The following DNAH6 variants were observed in gnomAD, a reference collection of about 807,000 sequenced individuals.
The protein encoded by DNAH6 is dynein axonemal heavy chain 6, also known as axonemal beta dynein heavy chain 6.
Under a neutral mutation model 491.4 loss-of-function variants are expected in DNAH6, and 340 were observed. The observed-to-expected ratio is 0.69, with a 90% CI of 0.63 to 0.76. The LOEUF (loss-of-function observed/expected upper bound fraction) is 0.76, where lower values mean the gene tolerates loss of function less well. Among genes scored for constraint, DNAH6 ranks in the 30% least tolerant of loss-of-function variants. The pLI is 0.00. For synonymous variants in DNAH6, 1,603 were observed against 1,686.1 expected, an observed-to-expected ratio of 0.95 and a Z score of 1.21; for missense variants, 4,443 against 4,972.2, an observed-to-expected ratio of 0.89 and a Z score of 3.20.
intron 11 of DNAH6, among the ~76,000 whole-genome samples, chr2:84,558,198 C>A (rs146429064): frequency 6.6e-6 from 1 of 151,936 alleles, no homozygotes; most frequent in Non-Finnish European, 1.5e-5. Flanking sequence ...GAGACCGAGG[C>A]GGGCAGATCA....
At chr2:84,473,719 C>T in the DNAH6 span, among the ~76,000 whole-genome samples, 1 of 152,084 alleles carries the variant, frequency 6.6e-6, no homozygotes, top group African/African-American at 2.4e-5. Flanking sequence ...TGAATTTGAA[C>T]CTTTTGAGGC....
chr2:84,642,727 TATA>T (rs1428299966), intron 33 of DNAH6, among the ~76,000 whole-genome samples: 1 of 152,150 alleles, frequency 6.6e-6, no homozygotes, highest in African/African-American at 2.4e-5. Flanking sequence ...GTGAGTACCT[TATA>T]ATAACAATCG....
chr2:84,772,131 AT>A (rs1404188349), intron 64 of DNAH6, among the ~76,000 whole-genome samples: 2 of 152,184 alleles, frequency 1.3e-5, no homozygotes, highest in Non-Finnish European at 2.9e-5. Context: ...AGCTGGTATT[AT>A]TTCAAATTTA....
At chr2:84,681,894 T>C (rs1242549216) in intron 42 of DNAH6, among the ~76,000 whole-genome samples, 1 of 152,222 alleles carries the variant, frequency 6.6e-6, no homozygotes, top group Non-Finnish European at 1.5e-5. Flanking sequence ...CCCTCCTGTC[T>C]ACTCAAGGAT....
chr2:84,786,436 A>AC (rs1231713713), intron 67 of DNAH6, among the ~76,000 whole-genome samples: 1 of 151,518 alleles, frequency 6.6e-6, no homozygotes, highest in Non-Finnish European at 1.5e-5. Context: ...AAAAAAAAAA[A>AC]AAAAAAAAAG....
At position 84,747,859 on chromosome 2, in the gene DNAH6, A is replaced by G. The variant is rs189231268; in HGVS notation, c.10512+2610A>G. 1.5e-3 allele frequency among the ~76,000 whole-genome samples: 233 copies of G among 152,348 alleles called. 3 individuals carry two copies. Among genetic ancestry groups the G allele is most frequent in the African/African-American group, 5.0e-3 (209 of 41,590 alleles). On this transcript the variant is annotated intron_variant, in intron 63 of 76. Transcript: ENST00000389394. ...TCACTCTTGCATTCTGCCCAACTGC[A>G]GGCTTAACATCACATGGAAGCCACC...
chr2:84,479,664 A>G, the DNAH6 span, among the ~76,000 whole-genome samples: 1 of 152,216 alleles, frequency 6.6e-6, no homozygotes, highest in African/African-American at 2.4e-5. Context: ...TGGGAAGGGA[A>G]CCATAAAAGA....
intron 18 of DNAH6, among the ~76,000 whole-genome samples, chr2:84,601,350 AC>A (rs1244593874): frequency 6.6e-6 from 1 of 152,038 alleles, no homozygotes; most frequent in Non-Finnish European, 1.5e-5. Context: ...TTATGATGAT[AC>A]TGCCACCTCA....
intron 37 of DNAH6, among the ~76,000 whole-genome samples, chr2:84,660,970 A>G (rs1480657033): frequency 6.6e-6 from 1 of 152,164 alleles, no homozygotes; most frequent in Non-Finnish European, 1.5e-5. Flanking sequence ...TATAGCTATA[A>G]ATTATATTAT....
intron 33 of DNAH6, among the ~76,000 whole-genome samples, chr2:84,649,727 T>A (rs1690237212): frequency 6.6e-6 from 1 of 152,064 alleles, no homozygotes; most frequent in African/African-American, 2.4e-5. Flanking sequence ...AATGAGATCA[T>A]GTTCCTTTTC....
At chr2:84,812,017 T>C (rs1476854929) in intron 72 of DNAH6, among the ~76,000 whole-genome samples, 1 of 152,116 alleles carries the variant, frequency 6.6e-6, no homozygotes, top group Non-Finnish European at 1.5e-5. Flanking sequence ...TCAGGCCTAT[T>C]TTTCTTTTGG....
chr2:84,621,112 T>A, intron 24 of DNAH6, 79 bp from the exon 25 acceptor site: 1 of 1,422,184 alleles, frequency 7.0e-7, no homozygotes, highest in Non-Finnish European at 9.5e-7. Context: ...AGCTTAGGAT[T>A]CTGTAATGGA....
intron 37 of DNAH6, among the ~76,000 whole-genome samples, chr2:84,666,548 A>C (rs1692146698): frequency 1.3e-5 from 2 of 152,210 alleles, no homozygotes; most frequent in South Asian, 4.1e-4. Flanking sequence ...CTTACAAGGA[A>C]TGTGAAGGAC....
intron 22 of DNAH6, among the ~76,000 whole-genome samples, chr2:84,614,810 A>T (rs1049475742): frequency 2.0e-5 from 3 of 151,970 alleles, no homozygotes; most frequent in African/African-American, 7.2e-5. Flanking sequence ...TTTATAGCCC[A>T]TTTGTATACC....
intron 64 of DNAH6, among the ~76,000 whole-genome samples, chr2:84,768,658 A>G (rs1675318187): frequency 6.6e-6 from 1 of 152,218 alleles, no homozygotes; most frequent in Admixed American, 6.5e-5. Context: ...AGAAAAGTAT[A>G]TAATATTACT....
In DNAH6 at chr2:84,618,910, C is replaced by A. The variant is rs1321737763; in HGVS notation, c.3573-775C>A. ...GTCCGCTATTGGAACACAAAGGGAGCCACAGACAGTACGTCTGCATGGCTG... is the reference window on the plus strand; with the variant it reads ...GTCCGCTATTGGAACACAAAGGGAGACACAGACAGTACGTCTGCATGGCTG... On this transcript the variant is annotated intron_variant, in intron 23 of 76. Coordinates refer to ENST00000389394, the MANE Select transcript of DNAH6 (RefSeq NM_001370.2). Among the ~76,000 whole-genome samples the A allele has an allele frequency of 5.3e-5, 8 of 152,206 alleles. No individual in the cohort carries two copies. The South Asian group carries it at 1.7e-3, about 32-fold the overall frequency.
chr2:84,675,044 C>T (rs1434239565), intron 40 of DNAH6, among the ~76,000 whole-genome samples: 2 of 152,200 alleles, frequency 1.3e-5, no homozygotes, highest in Admixed American at 6.5e-5. Context: ...TGCTCTCCAG[C>T]TCTTCCCTTA....
At chr2:84,623,337 G>A (rs1418799622) in intron 26 of DNAH6, among the ~76,000 whole-genome samples, 9 of 152,006 alleles carry the variant, frequency 5.9e-5, no homozygotes, top group East Asian at 1.9e-4. Flanking sequence ...ATTTACAAAC[G>A]GTATATCTTG....
rs1273386682 is a variant in DNAH6 at position 84,681,361 on chromosome 2, T to C, written c.6749T>C (p.Ile2250Thr). 2 of 1,542,024 alleles carry C rather than the reference T, an allele frequency of 1.3e-6. No homozygotes were observed. The highest frequency in any genetic ancestry group is 4.9e-5 in the East Asian group (2 of 40,520). Reference sequence around the variant, plus strand: ...ATATTATGTTTCTGGTTCTAGGCCATCTTAAATGGTTTCCTGAGTGACTTT... The same window carrying C: ...ATATTATGTTTCTGGTTCTAGGCCACCTTAAATGGTTTCCTGAGTGACTTT... ...EHSLKQIFQAILNGFLSDFPP... is the reference protein window; with the variant it reads ...EHSLKQIFQATLNGFLSDFPP... The change falls in exon 42 of 77, where the codon ATC becomes ACC. Residue 2250 changes from isoleucine (I) to threonine (T), a missense_variant. Physicochemically the swap from Ile to Thr is moderately conservative, Grantham distance 89. Transcript: ENST00000389394.
Sources: allele counts gnomAD v4.1 joint callset (sites outside exome capture counted in the v4.1 genomes callset), GRCh38; gene constraint gnomAD v4.1.1; transcripts MANE v1.5; gene names NCBI Gene and HGNC (gene_info 2026-07-23, HGNC 2026-07-21).